Variants in RTTN observed in about 807,000 individuals in gnomAD.
The protein encoded by RTTN is rotatin.
In RTTN, 182 loss-of-function variants were observed where a neutral mutation model predicts 269.2. The observed-to-expected ratio is 0.68, with a 90% confidence interval of 0.60 to 0.76. RTTN has a LOEUF of 0.76. Ranked by LOEUF, RTTN falls within the 30% of genes least tolerant of loss-of-function variation. The pLI is 0.00. For missense variants in RTTN, 2,545 were observed against 2,608.6 expected (o/e 0.98, Z 0.53); for synonymous variants, 1,006 against 963.5 (o/e 1.04, Z -0.82).
rs113743666 is a variant in RTTN, at chr18:70,115,826, C to T, written c.3529-1227G>A. ...CTCAACTCAAAATTAACTGCATTCT[C>T]TTTAGGGAAAAGAAATGAAAATATG... On this transcript the variant is annotated intron_variant, in intron 26 of 48. Transcript: ENST00000640769. 1.4e-3 allele frequency among the ~76,000 whole-genome samples: 212 copies of T among 151,944 alleles called. 2 individuals are homozygous for T. Among genetic ancestry groups the T allele is most frequent in the African/African-American group, 4.8e-3 (201 of 41,494 alleles).
intron 11 of RTTN, among the ~76,000 whole-genome samples, chr18:70,175,624 G>A (rs2061270412): frequency 2.9e-5 from 2 of 69,550 alleles, no homozygotes; most frequent in African/African-American, 1.1e-4. Flanking sequence ...CAAGAGAAAT[G>A]CATGGGACCA....
chr18:70,122,020 T>C (rs766143275), intron 25 of RTTN, among the ~76,000 whole-genome samples: 6 of 152,086 alleles, frequency 3.9e-5, no homozygotes, highest in Non-Finnish European at 8.8e-5. Context: ...AACCGCCCAG[T>C]GAAACTTGCT....
intron 10 of RTTN, among the ~76,000 whole-genome samples, chr18:70,186,467 G>A (rs1398236757): frequency 1.3e-5 from 2 of 152,104 alleles, no homozygotes; most frequent in Non-Finnish European, 1.5e-5. Flanking sequence ...TAAACAACAT[G>A]GCTCAGCCGG....
chr18:70,048,287 C>G, intron 39 of RTTN, 99 bp from the exon 40 acceptor site: 1 of 1,105,080 alleles, frequency 9.0e-7, no homozygotes, highest in Non-Finnish European at 1.3e-6. Context: ...TCTGGATCAT[C>G]TAGATTACCA....
chr18:70,086,719 A>AGGTC (rs2058710388), intron 31 of RTTN, 35 bp from the exon 32 acceptor site: 10 of 539,640 alleles, frequency 1.9e-5, no homozygotes, highest in East Asian at 6.4e-5. Context: ...AAAAAAAAAA[A>AGGTC]AAAAAAAAAA....
chr18:70,128,207 T>C (rs2059914277), intron 24 of RTTN, 151 bp downstream of exon 24: 3 of 618,670 alleles, frequency 4.8e-6, no homozygotes, highest in Admixed American at 6.1e-5. Context: ...ACATGTAATA[T>C]TTAAAAGAAA....
chr18:70,058,863 AAGG>A (rs2057895984), intron 36 of RTTN, among the ~76,000 whole-genome samples: 1 of 152,252 alleles, frequency 6.6e-6, no homozygotes, highest in African/African-American at 2.4e-5. Context: ...ATACATGTTA[AAGG>A]AATAATTACA....
Position 70,145,644 on chromosome 18 carries a change from T to G in RTTN, c.2449A>C (p.Arg817=). Reference sequence around the variant, plus strand: ...ACCAGCTCTCTTCTGTCATCCAGTCTGAGTTCAATAGGTTTCTTCCCAATG... The same window carrying G: ...ACCAGCTCTCTTCTGTCATCCAGTCGGAGTTCAATAGGTTTCTTCCCAATG... ...LFIGKKPIEL[R]LDDRRELVIK... is the part of the protein sequence containing the mutation. The change falls in exon 18 of 49, where the codon AGA becomes CGA. Residue 817 remains arginine (R), a synonymous_variant. Coordinates refer to ENST00000640769, the MANE Select transcript of RTTN (RefSeq NM_173630.4). The G allele has an allele frequency of 6.2e-7, 1 of 1,611,052 alleles. No individual in the cohort carries two copies. The highest frequency in any genetic ancestry group is 1.1e-5 in the South Asian group (1 of 90,180).
intron 4 of RTTN, among the ~76,000 whole-genome samples, chr18:70,200,931 A>T (rs2061928863): frequency 6.6e-6 from 1 of 152,320 alleles, no homozygotes; most frequent in Non-Finnish European, 1.5e-5. Context: ...ATTTTTTGGT[A>T]TTGTTCCAGA....
intron 17 of RTTN, 94 bp from the exon 18 acceptor site, chr18:70,145,877 G>T: frequency 1.1e-6 from 1 of 914,302 alleles, no homozygotes; most frequent in Non-Finnish European, 1.6e-6. Flanking sequence ...TATCAACAAA[G>T]TACAATAAGT....
intron 46 of RTTN, among the ~76,000 whole-genome samples, chr18:70,011,710 T>A (rs1318868871): frequency 2.0e-5 from 3 of 152,178 alleles, no homozygotes; most frequent in Non-Finnish European, 4.4e-5. Flanking sequence ...ACCACTCCTG[T>A]TCAACACAGT....
At chr18:70,166,848 ACT>A (rs1195793379) in intron 13 of RTTN, 69 bp downstream of exon 13, 3 of 974,440 alleles carry the variant, frequency 3.1e-6, no homozygotes, top group Non-Finnish European at 4.7e-6. Flanking sequence ...TTTCACTTTC[ACT>A]GTTTCTAAGT....
chr18:70,029,977 C>A, intron 42 of RTTN, 35 bp downstream of exon 42: 1 of 1,461,922 alleles, frequency 6.8e-7, no homozygotes, highest in South Asian at 1.1e-5. Context: ...AGAATGGTCT[C>A]TATATATAGC....
rs1228420429 is a variant in RTTN at position 70,188,130 on chromosome 18, C to T, written c.1283G>A (p.Ser428Asn). 3 of 1,600,348 alleles carry T rather than the reference C, an allele frequency of 1.9e-6. No individual in the cohort carries two copies. Among genetic ancestry groups the T allele is most frequent in the African/African-American group, 1.3e-5 (1 of 74,736 alleles). The change falls in exon 10 of 49, where the codon AGC becomes AAC. Residue 428 changes from serine (S) to asparagine (N), a missense_variant. Ser to Asn is a conservative substitution (Grantham distance 46). Coordinates refer to ENST00000640769, the MANE Select transcript of RTTN (RefSeq NM_173630.4). ...EAISTDIWDD[S>N]SLFGIDMKEK... ...TACCATATCTATACCAAAAAGGCTG[C>T]TGTCATCCCAGATATCTGTTGAAAT...
At chr18:70,166,356 G>T (rs1215694538) in intron 13 of RTTN, 168 bp from the exon 14 acceptor site, 10 of 538,362 alleles carry the variant, frequency 1.9e-5, no homozygotes, top group Non-Finnish European at 6.2e-6. Context: ...ATTTGTTTCA[G>T]GGCAGAGGAG....
chr18:70,121,654 T>G lies in RTTN; in HGVS notation c.3430A>C (p.Ile1144Leu). The change falls in exon 26 of 49, where the codon ATA becomes CTA. Residue 1144 changes from isoleucine (I) to leucine (L), a missense_variant. Ile to Leu is a conservative substitution (Grantham distance 5). Coordinates refer to ENST00000640769, the MANE Select transcript of RTTN (RefSeq NM_173630.4). ...TTATTTAAAAAATGTATGATATCTA[T>G]TAGCAGTTTCTCATCTTCAGTGCAA... ...PACTEDEKLL[I>L]DIIHFLNKLI... 6.4e-7 allele frequency: 1 copy of G among 1,572,392 alleles called. No individual in the cohort carries two copies. The highest frequency in any genetic ancestry group is 8.6e-7 in the Non-Finnish European group (1 of 1,165,546).
intron 11 of RTTN, among the ~76,000 whole-genome samples, chr18:70,172,854 G>A (rs150646765): frequency 6.6e-6 from 1 of 152,086 alleles, no homozygotes. Flanking sequence ...TCAATACTTC[G>A]ACCCATAGAT....
Position 70,199,469 on chromosome 18 carries a change from A to G in RTTN, c.523T>C (p.Phe175Leu). The G allele has an allele frequency of 1.2e-6, 2 of 1,613,264 alleles. No individual in the cohort carries two copies. Among genetic ancestry groups the G allele is most frequent in the Non-Finnish European group, 1.7e-6 (2 of 1,179,370 alleles). Reference protein sequence around the residue: ...QTVKCLKFSTFPWLPLTTTDR... With the variant: ...QTVKCLKFSTLPWLPLTTTDR... ...GTGGTGGTCAGGGGTAGCCAAGGAA[A>G]TGTAGAAAACTTCAAGCACTTCACA... The change falls in exon 5 of 49, where the codon TTT becomes CTT. Residue 175 changes from phenylalanine to leucine, a missense_variant. Transcript: ENST00000640769.
chr18:70,073,618 C>T lies in RTTN; in HGVS notation c.4653+288G>A, dbSNP rs145947790. On this transcript the variant is annotated intron_variant, in intron 34 of 48. Transcript: ENST00000640769. ...GATATTCAGTGTAGCTATACCGTAG[C>T]AAGACACACCCTGGTTCAAACTCCA... 6.4e-3 allele frequency among the ~76,000 whole-genome samples: 980 copies of T among 152,258 alleles called. 6 individuals are homozygous for T. The highest frequency in any genetic ancestry group is 0.017 in the South Asian group (81 of 4,824).
Sources: allele counts gnomAD v4.1 joint callset (sites outside exome capture counted in the v4.1 genomes callset), GRCh38; gene constraint gnomAD v4.1.1; transcripts MANE v1.5; gene names NCBI Gene and HGNC (gene_info 2026-07-23, HGNC 2026-07-21).